Variants in ANXA2 observed in about 807,000 individuals in gnomAD.
ANXA2 encodes annexin II.
A neutral mutation model predicts 47.3 loss-of-function variants in ANXA2; 28 were observed. The observed-to-expected ratio is 0.59, with a 90% confidence interval of 0.44 to 0.81. ANXA2 has a LOEUF of 0.81. Ranked by LOEUF, ANXA2 falls within the 40% of genes least tolerant of loss-of-function variation. The probability of loss-of-function intolerance (pLI) is 0.00; values close to 1 mark genes in which losing one functional copy is unlikely to be tolerated. For synonymous variants in ANXA2, 172 were observed against 155.5 expected (o/e 1.11, Z -0.79); for missense variants, 384 against 414.3 (o/e 0.93, Z 0.64).
At chr15:60,393,074 G>A in intron 1 of ANXA2, 1 of 1,287,242 alleles carries the variant, frequency 7.8e-7, no homozygotes. Context: ...TTGGTTTTAT[G>A]GTCTTGATTA....
chr15:60,347,269 C>A lies in ANXA2; in HGVS notation c.*361G>T, dbSNP rs1895757952. 2 of 276,714 alleles carry A rather than the reference C, an allele frequency of 7.2e-6. No individual in the cohort carries two copies. The highest frequency in any genetic ancestry group is 1.4e-5 in the Non-Finnish European group (2 of 144,820). The allele number at this position is 276,714 out of a possible 1,614,324, so 17.1% of individuals were successfully genotyped here. On this transcript the variant is annotated 3_prime_UTR_variant, in exon 13 of 13. Coordinates refer to ENST00000451270, the MANE Select transcript of ANXA2 (RefSeq NM_004039.3). ...CTTCCTACAGGGACAGCCTCACCAG[C>A]TGAACCCCAAGCACGTTTAATTTTC...
At chr15:60,362,393 A>C (rs2062528256) in intron 4 of ANXA2, among the ~76,000 whole-genome samples, 6 of 152,250 alleles carry the variant, frequency 3.9e-5, no homozygotes, top group Admixed American at 3.9e-4. Flanking sequence ...TGCATTTAAC[A>C]AAAACTAAAC....
chr15:60,388,518 T>C (rs2062963344), intron 1 of ANXA2, among the ~76,000 whole-genome samples: 1 of 152,108 alleles, frequency 6.6e-6, no homozygotes, highest in Non-Finnish European at 1.5e-5. Flanking sequence ...ATTGATCATA[T>C]ATTACAATTA....
chr15:60,363,212 G>A (rs977431118), intron 4 of ANXA2, among the ~76,000 whole-genome samples: 1 of 152,074 alleles, frequency 6.6e-6, no homozygotes, highest in African/African-American at 2.4e-5. Context: ...ACCCCTTTGG[G>A]AAGCTGCAGA....
intron 1 of ANXA2, chr15:60,387,014 T>G (rs762108997): frequency 4.6e-5 from 7 of 152,252 alleles, no homozygotes; most frequent in African/African-American, 1.7e-4. Flanking sequence ...TCAAGGAAAC[T>G]GCACACATGC....
At chr15:60,388,887 G>A (rs1042575013) in intron 1 of ANXA2, among the ~76,000 whole-genome samples, 5 of 143,502 alleles carry the variant, frequency 3.5e-5, no homozygotes, top group South Asian at 2.4e-4. Flanking sequence ...GACTACAGGC[G>A]TGTGCCACTA....
intron 2 of ANXA2, chr15:60,383,317 C>G (rs1202458652): frequency 6.6e-6 from 1 of 152,202 alleles, no homozygotes; most frequent in African/African-American, 2.4e-5. Context: ...TTTGTAGAGA[C>G]AGGATTTCGC....
intron 1 of ANXA2, chr15:60,396,130 G>A (rs2063077172): frequency 6.6e-6 from 1 of 152,120 alleles, no homozygotes; most frequent in Admixed American, 6.6e-5. Context: ...TTTTGAGACT[G>A]GGTCTTGCTA....
chr15:60,368,407 A>G (rs1595684585), intron 3 of ANXA2, among the ~76,000 whole-genome samples: 1 of 152,224 alleles, frequency 6.6e-6, no homozygotes, highest in Non-Finnish European at 1.5e-5. Flanking sequence ...CATTGTATAC[A>G]ATATTGAAAA....
intron 5 of ANXA2, among the ~76,000 whole-genome samples, chr15:60,357,878 GTAGA>G (rs550017788): frequency 6.8e-4 from 103 of 151,726 alleles, no homozygotes; most frequent in African/African-American, 2.3e-3. Context: ...TTTGCTGTGG[GTAGA>G]TAAAGTAACT....
At chr15:60,353,677 AC>A (rs1481509811) in intron 8 of ANXA2, among the ~76,000 whole-genome samples, 5 of 152,086 alleles carry the variant, frequency 3.3e-5, no homozygotes, top group Non-Finnish European at 7.4e-5. Flanking sequence ...TCAGTGACTC[AC>A]TTTTAATGAA....
chr15:60,380,688 C>A lies in ANXA2; in HGVS notation c.148+1654G>T, dbSNP rs568440346. On this transcript the variant is annotated intron_variant, in intron 3 of 12. Coordinates refer to ENST00000451270, the MANE Select transcript of ANXA2 (RefSeq NM_004039.3). ...GCATGGTGGTGTGTGCCTGTAATCC[C>A]AGCTATTAGGGAGGCTGAGGCAGAA... Among the ~76,000 whole-genome samples the A allele has an allele frequency of 3.1e-3, 468 of 149,098 alleles. 2 individuals are homozygous for A. The highest frequency in any genetic ancestry group is 5.4e-3 in the Non-Finnish European group (368 of 67,690).
chr15:60,374,620 A>T lies in ANXA2; in HGVS notation c.148+7722T>A, dbSNP rs1416377977. 8.8e-6 allele frequency: 4 copies of T among 456,000 alleles called. No individual in the cohort carries two copies. The Admixed American group carries it at 9.4e-5, about 11-fold the overall frequency. The allele number at this position is 456,000 out of a possible 1,614,324, so 28.2% of individuals were successfully genotyped here. ...CAGGTGATGAAAGCTGATGCTTACAATTAGAAAGGCACCAAGGACTCCTTT... is the reference window on the plus strand; with the variant it reads ...CAGGTGATGAAAGCTGATGCTTACATTTAGAAAGGCACCAAGGACTCCTTT... On this transcript the variant is annotated intron_variant, in intron 3 of 12. Transcript: ENST00000451270.
intron 5 of ANXA2, among the ~76,000 whole-genome samples, chr15:60,358,076 TA>T (rs1299371198): frequency 6.6e-6 from 1 of 152,244 alleles, no homozygotes; most frequent in Non-Finnish European, 1.5e-5. Flanking sequence ...AAAAAATTTT[TA>T]GCTGCACTCT....
At chr15:60,351,404 A>C in intron 10 of ANXA2, 153 bp from the exon 11 acceptor site, 1 of 729,790 alleles carries the variant, frequency 1.4e-6, no homozygotes, top group African/African-American at 1.8e-5. Flanking sequence ...GAAATCTAGA[A>C]ATCCTCTGCA....
At chr15:60,364,629 T>G in intron 3 of ANXA2, 106 bp from the exon 4 acceptor site, 2 of 767,356 alleles carry the variant, frequency 2.6e-6, no homozygotes. Flanking sequence ...ATATACTGTT[T>G]TCCAAACTGA....
At chr15:60,351,054 C>A in intron 11 of ANXA2, 139 bp downstream of exon 11, 1 of 772,376 alleles carries the variant, frequency 1.3e-6, no homozygotes, top group Non-Finnish European at 2.2e-6. Flanking sequence ...TCACATACAA[C>A]CACAGCTGAC....
chr15:60,374,376 C>T (rs1051180947), intron 3 of ANXA2: 3 of 444,834 alleles, frequency 6.7e-6, no homozygotes, highest in East Asian at 7.0e-5. Context: ...TCTGCTACTC[C>T]GTCAGCCTCA....
chr15:60,358,139 T>C (rs929415181), intron 5 of ANXA2, among the ~76,000 whole-genome samples: 3 of 152,224 alleles, frequency 2.0e-5, no homozygotes, highest in African/African-American at 4.8e-5. Context: ...GTCCTTCCAT[T>C]TTTGCTTGAT....
Sources: gnomAD v4.1 joint callset for allele counts (sites outside exome capture counted in the v4.1 genomes callset) on GRCh38, gnomAD v4.1.1 for gene constraint, MANE v1.5 for transcripts, NCBI Gene and HGNC (gene_info 2026-07-23, HGNC 2026-07-21) for gene names.